Variants in TTI1 observed in about 807,000 individuals in gnomAD.
The protein encoded by TTI1 is TELO2 interacting protein 1.
Under a neutral mutation model 85.4 loss-of-function variants are expected in TTI1, and 52 were observed. That is an observed-to-expected ratio of 0.61 (90% CI 0.49 to 0.77). The LOEUF (loss-of-function observed/expected upper bound fraction) is 0.77. TTI1 is among the 30% of genes least tolerant of loss of function. The probability of loss-of-function intolerance (pLI) is 0.00; values close to 1 mark genes in which losing one functional copy is unlikely to be tolerated. For synonymous variants in TTI1, 512 were observed against 503.9 expected, an observed-to-expected ratio of 1.02 and a Z score of -0.22; for missense variants, 1,173 against 1,296.0, an observed-to-expected ratio of 0.91 and a Z score of 1.46.
At chr20:38,016,316 T>C (rs536500570) in intron 1 of TTI1, among the ~76,000 whole-genome samples, 1 of 152,206 alleles carries the variant, frequency 6.6e-6, no homozygotes, top group Non-Finnish European at 1.5e-5. Flanking sequence ...AAGCCTGGTA[T>C]ACAAAATGGA....
chr20:38,031,431 T>C (rs1190077041), intron 1 of TTI1, among the ~76,000 whole-genome samples: 1 of 152,228 alleles, frequency 6.6e-6, no homozygotes, highest in East Asian at 1.9e-4. Context: ...CCTGGAACAA[T>C]GGCATATGGC....
chr20:37,996,704 C>T (rs372309188), intron 6 of TTI1, 45 bp downstream of exon 6: 21 of 1,567,398 alleles, frequency 1.3e-5, no homozygotes, highest in Admixed American at 5.3e-5. Flanking sequence ...AGGGGTGAGA[C>T]AGATGCTAAG....
At chr20:38,024,005 T>C (rs1219966380) in intron 1 of TTI1, among the ~76,000 whole-genome samples, 1 of 152,156 alleles carries the variant, frequency 6.6e-6, no homozygotes, top group Non-Finnish European at 1.5e-5. Flanking sequence ...TTTACAGCTG[T>C]CCCTTATAGA....
chr20:38,002,125 C>A (rs149222289), intron 4 of TTI1, among the ~76,000 whole-genome samples: 103 of 152,194 alleles, frequency 6.8e-4, no homozygotes, highest in African/African-American at 2.2e-3. Context: ...CCACTTCTAC[C>A]CCACCCCACT....
chr20:38,005,100 G>C lies in TTI1; in HGVS notation c.2503+1097C>G, dbSNP rs536141526. Among the ~76,000 whole-genome samples the C allele has an allele frequency of 1.3e-4, 20 of 152,160 alleles. 1 individual carries two copies. The South Asian group carries it at 3.7e-3, about 28-fold the overall frequency. On this transcript the variant is annotated intron_variant, in intron 3 of 7. Transcript: ENST00000373447. ...TCAAGCTACTATTTCCTGTTACACT[G>C]CTGGAAGTACTGGCTTCAGTTCACC...
intron 1 of TTI1, 126 bp from the exon 2 acceptor site, chr20:38,013,983 G>T: frequency 1.1e-6 from 1 of 944,760 alleles, no homozygotes; most frequent in Non-Finnish European, 1.5e-6. Flanking sequence ...AGGCACTAGG[G>T]GTGCAATGAA....
intron 7 of TTI1, chr20:37,987,170 T>A (rs1001503871): frequency 4.4e-6 from 2 of 456,548 alleles, no homozygotes; most frequent in East Asian, 6.9e-5. Context: ...CTGATCTGAG[T>A]CCTTAGCGCC....
At chr20:38,006,156 T>A (rs746019550) in intron 3 of TTI1, 41 bp downstream of exon 3, 103 of 1,607,412 alleles carry the variant, frequency 6.4e-5, no homozygotes, top group Non-Finnish European at 8.5e-5. Context: ...ATAATCTGTT[T>A]CAGAAAGAAA....
At chr20:37,994,139 C>T (rs2073305328) in intron 7 of TTI1, among the ~76,000 whole-genome samples, 1 of 152,102 alleles carries the variant, frequency 6.6e-6, no homozygotes, top group Admixed American at 6.6e-5. Context: ...CTTGGTTCCT[C>T]AGTACTAGTA....
intron 1 of TTI1, among the ~76,000 whole-genome samples, chr20:38,025,316 C>G (rs892980543): frequency 6.6e-6 from 1 of 152,106 alleles, no homozygotes; most frequent in Non-Finnish European, 1.5e-5. Flanking sequence ...CACCTGTAAC[C>G]CGAGCACTTT....
At chr20:38,014,336 C>A (rs752197237) in intron 1 of TTI1, among the ~76,000 whole-genome samples, 1 of 152,158 alleles carries the variant, frequency 6.6e-6, no homozygotes, top group Non-Finnish European at 1.5e-5. Flanking sequence ...AACCACTTCC[C>A]GAAGTAAGAT....
chr20:38,010,287 G>A (rs1364810587), intron 2 of TTI1, among the ~76,000 whole-genome samples: 1 of 152,122 alleles, frequency 6.6e-6, no homozygotes, highest in Non-Finnish European at 1.5e-5. Flanking sequence ...CTGACAAAAT[G>A]AGGCCAGTGA....
At chr20:38,030,601 G>A (rs1393521856) in intron 1 of TTI1, among the ~76,000 whole-genome samples, 1 of 150,844 alleles carries the variant, frequency 6.6e-6, no homozygotes, top group African/African-American at 2.5e-5. Flanking sequence ...TGCAAGACTG[G>A]CTCAATATTT....
At chr20:38,017,450 G>GT (rs2073701144) in intron 1 of TTI1, among the ~76,000 whole-genome samples, 1 of 151,440 alleles carries the variant, frequency 6.6e-6, no homozygotes, top group African/African-American at 2.4e-5. Flanking sequence ...GCGCGCCTTT[G>GT]GTGTGTGCGC....
In TTI1 at chr20:38,009,744, C is replaced by G. The variant is rs530817049; in HGVS notation, c.2302+1771G>C. ...TCTTGAACTCCTGGGCTCAAGCAAT[C>G]CGCCCACCTCAGCCTCCCAAAGTGT... On this transcript the variant is annotated intron_variant, in intron 2 of 7. Coordinates refer to ENST00000373447, the MANE Select transcript of TTI1 (RefSeq NM_001303457.2). Among the ~76,000 whole-genome samples the G allele has an allele frequency of 1.1e-3, 169 of 152,254 alleles. 1 individual carries two copies. Among genetic ancestry groups the G allele is most frequent in the African/African-American group, 4.0e-3 (165 of 41,538 alleles).
chr20:38,026,235 T>C (rs745893305), intron 1 of TTI1, among the ~76,000 whole-genome samples: 29 of 152,234 alleles, frequency 1.9e-4, no homozygotes, highest in Non-Finnish European at 3.2e-4. Flanking sequence ...AATCCATTCA[T>C]AGCAACCTCC....
At chr20:38,004,094 G>A (rs1297559442) in intron 3 of TTI1, among the ~76,000 whole-genome samples, 1 of 152,160 alleles carries the variant, frequency 6.6e-6, no homozygotes, top group Non-Finnish European at 1.5e-5. Context: ...GAAAAAAAGG[G>A]ATAGAGCATG....
In TTI1 at chr20:38,002,620, G is replaced by T. The variant is rs769937115; in HGVS notation, c.2652+8C>A. 1.1e-5 allele frequency: 18 copies of T among 1,613,932 alleles called. No homozygotes were observed. In the Admixed American group the frequency reaches 3.0e-4, roughly 27 times the overall value. Reference sequence around the variant, plus strand: ...TCTGGGAATGCAGAGAAGCAGCTGCGCACTGACCTTCAGGCGGATTTGCAG... The same window carrying T: ...TCTGGGAATGCAGAGAAGCAGCTGCTCACTGACCTTCAGGCGGATTTGCAG... On this transcript the variant is annotated splice_region_variant and intron_variant, in intron 4 of 7. Transcript: ENST00000373447.
intron 2 of TTI1, among the ~76,000 whole-genome samples, chr20:38,010,862 C>G (rs1354660965): frequency 1.3e-5 from 2 of 152,140 alleles, no homozygotes; most frequent in African/African-American, 4.8e-5. Context: ...CCAACTCACA[C>G]AATTAAAAGG....
Sources: gnomAD v4.1 joint callset for allele counts (sites outside exome capture counted in the v4.1 genomes callset) on GRCh38, gnomAD v4.1.1 for gene constraint, MANE v1.5 for transcripts, NCBI Gene and HGNC (gene_info 2026-07-23, HGNC 2026-07-21) for gene names.